PRKCA: variants seen among roughly 807,000 people sequenced by gnomAD.
The protein encoded by PRKCA is protein kinase C alpha, also known as protein kinase C alpha type.
A neutral mutation model predicts 87.0 loss-of-function variants in PRKCA; 27 were observed. The ratio of observed to expected loss-of-function variants is 0.31; its 90% confidence interval spans 0.23 to 0.43. PRKCA has a LOEUF of 0.43. Among genes scored for constraint, PRKCA ranks in the 20% least tolerant of loss-of-function variants. The pLI is 1.00. For synonymous variants in PRKCA, 329 were observed against 311.1 expected, an observed-to-expected ratio of 1.06 and a Z score of -0.61; for missense variants, 518 against 852.3, an observed-to-expected ratio of 0.61 and a Z score of 4.88.
Position 66,788,883 on chromosome 17 carries a change from G to C in PRKCA, c.1758G>C (p.Glu586Asp), listed in dbSNP as rs144172717. 115 of 1,614,094 alleles carry C rather than the reference G, an allele frequency of 7.1e-5. No homozygotes were observed. In the African/African-American group the frequency reaches 1.3e-3, roughly 19 times the overall value. The stretch of plus-strand genomic sequence containing the variant: ...CCAAGCGGCTGGGCTGTGGGCCTGA[G>C]GGGGAGAGGGACGTGAGAGAGCATG... ...HPAKRLGCGP[E>D]GERDVREHAF... Residue 586 changes from glutamate (E) to aspartate (D), a missense_variant, in exon 16 of 17, where the codon GAG (glutamate) becomes GAC (aspartate). Transcript: ENST00000413366.
At chr17:66,456,636 C>T (rs955971762) in intron 2 of PRKCA, among the ~76,000 whole-genome samples, 75 of 152,184 alleles carry the variant, frequency 4.9e-4, no homozygotes, top group African/African-American at 1.8e-3. Context: ...TTCCAGCTCC[C>T]TTCTCTGCTG....
rs141761687 is a variant in PRKCA at position 66,781,546 on chromosome 17, G to A, written c.1606-5321G>A. The stretch of plus-strand genomic sequence containing the variant: ...GACCCAGCCTATCCTTACTGATACC[G>A]GAAGGCACAGTTAAGATACCAATAG... On this transcript the variant is annotated intron_variant, in intron 14 of 16. Transcript: ENST00000413366. Among the ~76,000 whole-genome samples, 13 of 152,246 alleles carry A rather than the reference G, an allele frequency of 8.5e-5. No homozygotes were observed. In the East Asian group the frequency reaches 1.2e-3, roughly 14 times the overall value.
chr17:66,732,376 G>A (rs1006030198), intron 8 of PRKCA, among the ~76,000 whole-genome samples: 1 of 152,140 alleles, frequency 6.6e-6, no homozygotes, highest in Non-Finnish European at 1.5e-5. Flanking sequence ...TTTTTCCCAA[G>A]AAGTCGACTT....
chr17:66,391,926 C>T (rs377118338), intron 2 of PRKCA, among the ~76,000 whole-genome samples: 1 of 152,054 alleles, frequency 6.6e-6, no homozygotes, highest in African/African-American at 2.4e-5. Flanking sequence ...GAATAAGATA[C>T]GCCATTAGAA....
chr17:66,365,646 G>T (rs1431162805), intron 2 of PRKCA, among the ~76,000 whole-genome samples: 1 of 151,966 alleles, frequency 6.6e-6, no homozygotes, highest in Non-Finnish European at 1.5e-5. Flanking sequence ...AATCCTAAAC[G>T]CTCAATAAAT....
chr17:66,534,700 C>G (rs549599422), intron 3 of PRKCA, among the ~76,000 whole-genome samples: 1 of 152,036 alleles, frequency 6.6e-6, no homozygotes, highest in Non-Finnish European at 1.5e-5. Context: ...ACAAGTTGAT[C>G]TTTCTGAATG....
intron 5 of PRKCA, among the ~76,000 whole-genome samples, chr17:66,684,435 G>A (rs745896465): frequency 6.6e-6 from 1 of 152,232 alleles, no homozygotes; most frequent in African/African-American, 2.4e-5. Flanking sequence ...CCCTAAGTTA[G>A]TTGCTCGTAA....
At chr17:66,794,254 T>C (rs889816340) in intron 16 of PRKCA, among the ~76,000 whole-genome samples, 5 of 152,256 alleles carry the variant, frequency 3.3e-5, no homozygotes, top group African/African-American at 1.2e-4. Context: ...GGCAGAAAAA[T>C]AGAACTTTCT....
At chr17:66,356,757 T>C (rs1236678130) in intron 2 of PRKCA, among the ~76,000 whole-genome samples, 1 of 152,130 alleles carries the variant, frequency 6.6e-6, no homozygotes, top group Non-Finnish European at 1.5e-5. Flanking sequence ...TTTTTAAATA[T>C]TTTTTTAAAA....
chr17:66,540,103 T>C (rs747746755), intron 3 of PRKCA, among the ~76,000 whole-genome samples: 16 of 152,198 alleles, frequency 1.1e-4, no homozygotes, highest in Admixed American at 9.2e-4. Context: ...GAGGTGATGT[T>C]TTCCCCATTG....
chr17:66,743,199 A>G (rs1402159994), intron 13 of PRKCA, among the ~76,000 whole-genome samples: 3 of 152,150 alleles, frequency 2.0e-5, no homozygotes. Context: ...GGTGGTGCAC[A>G]CCTGTAATAC....
chr17:66,477,211 C>T (rs528273997), intron 2 of PRKCA, among the ~76,000 whole-genome samples: 4 of 152,168 alleles, frequency 2.6e-5, no homozygotes, highest in Admixed American at 1.3e-4. Flanking sequence ...CAAAGCGAAA[C>T]CCACAGAAAC....
intron 3 of PRKCA, among the ~76,000 whole-genome samples, chr17:66,575,909 T>A (rs761803839): frequency 1.3e-5 from 2 of 151,548 alleles, no homozygotes; most frequent in Admixed American, 6.6e-5. Flanking sequence ...AGGTCAGGAG[T>A]TTGAGACCAG....
rs985867775 is a variant in PRKCA, at chr17:66,796,672, T to C, written c.1855-7201T>C. 9 of 985,216 alleles carry C rather than the reference T, an allele frequency of 9.1e-6. No individual in the cohort carries two copies. The African/African-American group carries it at 1.2e-4, about 13-fold the overall frequency. The allele number at this position is 985,216 out of a possible 1,614,324, so 61.0% of individuals were successfully genotyped here. On this transcript the variant is annotated intron_variant, in intron 16 of 16. Transcript: ENST00000413366. ...ACCCCTTTGCTGGATAGCTCCTTAGTATGGACATTACCTCCCAGGAAGCCC... is the reference window on the plus strand; with the variant it reads ...ACCCCTTTGCTGGATAGCTCCTTAGCATGGACATTACCTCCCAGGAAGCCC...
chr17:66,429,610 A>T (rs1021510220), intron 2 of PRKCA, among the ~76,000 whole-genome samples: 2 of 152,066 alleles, frequency 1.3e-5, no homozygotes, highest in Non-Finnish European at 2.9e-5. Context: ...CAAATGAGGA[A>T]ACTGAGGTAA....
rs1910711834 is a variant in PRKCA at position 66,396,904 on chromosome 17, T to C, written c.205+90777T>C. Among the ~76,000 whole-genome samples the C allele has an allele frequency of 2.0e-5, 3 of 150,350 alleles. No homozygotes were observed. In the South Asian group the frequency reaches 6.3e-4, roughly 32 times the overall value. Reference sequence around the variant, plus strand: ...CTACATACATATTTATATGAATATCTAATTATTGCAGTAAAAACTAGTAGA... The same window carrying C: ...CTACATACATATTTATATGAATATCCAATTATTGCAGTAAAAACTAGTAGA... On this transcript the variant is annotated intron_variant, in intron 2 of 16. Transcript: ENST00000413366.
intron 2 of PRKCA, among the ~76,000 whole-genome samples, chr17:66,392,958 C>G (rs1910448823): frequency 6.6e-6 from 1 of 151,974 alleles, no homozygotes; most frequent in African/African-American, 2.4e-5. Flanking sequence ...TGGCACACAC[C>G]CTAGACCAGT....
intron 3 of PRKCA, among the ~76,000 whole-genome samples, chr17:66,578,016 C>T (rs1969293995): frequency 6.6e-6 from 1 of 152,146 alleles, no homozygotes; most frequent in South Asian, 2.1e-4. Flanking sequence ...CATGCGCCCC[C>T]TCCACCCCGT....
chr17:66,574,316 T>G (rs1380123093), intron 3 of PRKCA, among the ~76,000 whole-genome samples: 1 of 152,112 alleles, frequency 6.6e-6, no homozygotes, highest in South Asian at 2.1e-4. Context: ...GGACTTCAAT[T>G]CAAATGGCTG....
Sources: gnomAD v4.1 joint callset for allele counts (sites outside exome capture counted in the v4.1 genomes callset) on GRCh38, gnomAD v4.1.1 for gene constraint, MANE v1.5 for transcripts, NCBI Gene and HGNC (gene_info 2026-07-23, HGNC 2026-07-21) for gene names.